The following EIF3G variants were observed in gnomAD, a reference collection of about 807,000 sequenced individuals.
EIF3G encodes the protein eukaryotic translation initiation factor 3 RNA-binding subunit.
A neutral mutation model predicts 41.7 loss-of-function variants in EIF3G; 10 were observed. The observed-to-expected ratio is 0.24, with a 90% CI of 0.15 to 0.41. The LOEUF (loss-of-function observed/expected upper bound fraction) is 0.41. EIF3G is among the 10% of genes least tolerant of loss of function. The probability of loss-of-function intolerance (pLI) is 1.00; values close to 1 mark genes in which losing one functional copy is unlikely to be tolerated. For synonymous variants in EIF3G, 204 were observed against 172.5 expected (o/e 1.18, Z -1.43); for missense variants, 297 against 444.0 (o/e 0.67, Z 2.98).
chr19:10,118,422 T>TG (rs34849604), intron 5 of EIF3G: 293,521 of 492,174 alleles, frequency 0.6, 88,901 homozygotes, highest in East Asian at 0.72. Context: ...AAAAATTAGC[T>TG]GGCGTGGTGG....
Position 10,116,393 on chromosome 19 carries a change from G to A in EIF3G, c.596-319C>T, listed in dbSNP as rs2089250708. On this transcript the variant is annotated intron_variant, in intron 7 of 10. Transcript: ENST00000253108. The surrounding 1 kb of genome is among the most constrained non-coding windows in gnomAD (Gnocchi z 4.1). ...GACACACAACAGGAACAGCGCCCAGGTCCCCCTCGCGTGGCAGGCGACAAG... is the reference window on the plus strand; with the variant it reads ...GACACACAACAGGAACAGCGCCCAGATCCCCCTCGCGTGGCAGGCGACAAG... The A allele has an allele frequency of 2.0e-6, 1 of 510,782 alleles. No homozygotes were observed. The highest frequency in any genetic ancestry group is 2.4e-5 in the South Asian group (1 of 42,182). 31.6% of individuals were successfully genotyped at this position (510,782 alleles called of 1,614,324 possible). A position where few individuals can be genotyped will look rare whatever the true frequency, so the allele number is the denominator to read the frequency against.
intron 2 of EIF3G, 188 bp from the exon 3 acceptor site, chr19:10,119,359 T>A: frequency 3.8e-6 from 3 of 789,436 alleles, no homozygotes; most frequent in Non-Finnish European, 6.5e-6. Context: ...GGGAGATCCC[T>A]CGTAGGAAGG....
rs778674406 is a variant in EIF3G, at chr19:10,116,064, C to T, written c.606G>A (p.Pro202=). 6 of 1,613,812 alleles carry T rather than the reference C, an allele frequency of 3.7e-6. No individual in the cohort carries two copies. In the African/African-American group the frequency reaches 5.3e-5, roughly 14 times the overall value. The change falls in exon 8 of 11, where the codon CCG becomes CCA. Residue 202 remains proline (P), a synonymous_variant. Transcript: ENST00000253108. The surrounding 1 kb of genome is among the most constrained non-coding windows in gnomAD (Gnocchi z 4.1). ...EKEKLPGELE[P]VQATQNKTGK... ...CTGTCTTGTTCTGCGTGGCCTGCACCGGCTCTAGCTCTGGGGACCAAAAGA... is the reference window on the plus strand; with the variant it reads ...CTGTCTTGTTCTGCGTGGCCTGCACTGGCTCTAGCTCTGGGGACCAAAAGA...
intron 8 of EIF3G, 30 bp from the exon 9 acceptor site, chr19:10,115,850 G>A (rs776820864): frequency 2.2e-5 from 36 of 1,607,982 alleles, no homozygotes; most frequent in East Asian, 1.8e-4. Context: ...TGGCTGTGAG[G>A]GGGAGGACAC....
rs1325633491 is a variant in EIF3G, at chr19:10,116,202, G to A, written c.596-128C>T. On this transcript the variant is annotated intron_variant, in intron 7 of 10. Transcript: ENST00000253108. This position sits in a 1 kb window ranked among gnomAD's most constrained non-coding sequence, Gnocchi z 4.1. ...CTGTGTGCCAAACCACAGGCAGCCA[G>A]TTGGCCACGAGGACACCAAGGTGAC... The A allele has an allele frequency of 4.4e-6, 4 of 909,116 alleles. No homozygotes were observed. In the African/African-American group the frequency reaches 5.0e-5, roughly 11 times the overall value. The allele number at this position is 909,116 out of a possible 1,614,324, so 56.3% of individuals were successfully genotyped here.
chr19:10,115,074 T>C lies in EIF3G; in HGVS notation c.*40A>G, dbSNP rs763919359. On this transcript the variant is annotated 3_prime_UTR_variant, in exon 11 of 11. Transcript: ENST00000253108. ...CCGCGCTCTCGGAGGCTGTCTTCTG[T>C]CGCCAAGGGTCCCGGACCGAGTACA... is the stretch of plus-strand genomic sequence containing the variant. 13 of 1,613,342 alleles carry C rather than the reference T, an allele frequency of 8.1e-6. No homozygotes were observed. Among genetic ancestry groups the C allele is most frequent in the South Asian group, 3.3e-5 (3 of 90,850 alleles).
Position 10,115,276 on chromosome 19 carries a change from C to T in EIF3G, c.948-147G>A, listed in dbSNP as rs897262530. 5 of 1,200,302 alleles carry T rather than the reference C, an allele frequency of 4.2e-6. No homozygotes were observed. In the Admixed American group the frequency reaches 1.3e-4, roughly 30 times the overall value. 74.4% of individuals were successfully genotyped at this position (1,200,302 alleles called of 1,614,324 possible). On this transcript the variant is annotated intron_variant, in intron 10 of 10. Transcript: ENST00000253108. The stretch of plus-strand genomic sequence containing the variant: ...CGGAGCCAGATGGCCAGTCTCCAGG[C>T]CTGGTCCACGGACTGGCAGGGACCC...
rs1276879202 is a variant in EIF3G, at chr19:10,116,273, T to A, written c.596-199A>T. On this transcript the variant is annotated intron_variant, in intron 7 of 10. Transcript: ENST00000253108. This position sits in a 1 kb window ranked among gnomAD's most constrained non-coding sequence, Gnocchi z 4.1. ...TTGAGCTCCCAGCCAGCGACACTGG[T>A]GGAGGAGGAGGAGGAGGAGCCCCGA... The A allele has an allele frequency of 3.3e-6, 2 of 608,752 alleles. No homozygotes were observed. The highest frequency in any genetic ancestry group is 5.8e-6 in the Non-Finnish European group (2 of 345,974). The allele number at this position is 608,752 out of a possible 1,614,324, so 37.7% of individuals were successfully genotyped here.
chr19:10,119,021 C>A (rs759671379), intron 3 of EIF3G, 65 bp from the exon 4 acceptor site: 61 of 1,612,130 alleles, frequency 3.8e-5, no homozygotes, highest in Non-Finnish European at 4.9e-5. Context: ...AGCGGCAGGG[C>A]TGGAGGGAGA....
chr19:10,119,421 G>A (rs1599328360), intron 2 of EIF3G: 1 of 750,112 alleles, frequency 1.3e-6, no homozygotes, highest in Non-Finnish European at 2.3e-6. Flanking sequence ...ACAGGAGACG[G>A]GAGATTACAA....
At chr19:10,119,267 G>A in intron 2 of EIF3G, 96 bp from the exon 3 acceptor site, 6 of 1,368,994 alleles carry the variant, frequency 4.4e-6, no homozygotes, top group Non-Finnish European at 6.1e-6. Flanking sequence ...TACAGCAAAA[G>A]CGGAGAAAGG....
chr19:10,117,038 T>G (rs1452216118), intron 6 of EIF3G, 46 bp downstream of exon 6: 2 of 1,604,430 alleles, frequency 1.2e-6, no homozygotes, highest in South Asian at 1.1e-5. Flanking sequence ...AGGCACCCCC[T>G]TTGCCCCACC....
At position 10,115,021 on chromosome 19, in the gene EIF3G, A is replaced by G; in HGVS notation, c.*93T>C. On this transcript the variant is annotated 3_prime_UTR_variant, in exon 11 of 11. Transcript: ENST00000253108. ...AGAACAAAAAGAACCAAGTAGAGAGAGTGGAGCTGCTTTATTGCCCTTGGA... is the reference window on the plus strand; with the variant it reads ...AGAACAAAAAGAACCAAGTAGAGAGGGTGGAGCTGCTTTATTGCCCTTGGA... The G allele has an allele frequency of 6.4e-7, 1 of 1,568,680 alleles. No homozygotes were observed. Among genetic ancestry groups the G allele is most frequent in the Non-Finnish European group, 8.7e-7 (1 of 1,146,968 alleles).
chr19:10,117,473 T>G, intron 5 of EIF3G: 1 of 381,106 alleles, frequency 2.6e-6, no homozygotes, highest in Non-Finnish European at 4.7e-6. Context: ...CAGGGCGCAA[T>G]ACTCAGGGAT....
intron 5 of EIF3G, 49 bp from the exon 6 acceptor site, chr19:10,117,237 GT>G (rs1568495747): frequency 6.9e-7 from 1 of 1,447,738 alleles, no homozygotes; most frequent in East Asian, 2.3e-5. Context: ...GGCAGGCTGG[GT>G]TCCACAGTGG....
rs1257922598 is a variant in EIF3G at position 10,116,561 on chromosome 19, A to G, written c.595+239T>C. ...GGTCAGCACCCTGGGGCCGACAGAC[A>G]GCAGCTCATCAGGACAGTCACAGGG... On this transcript the variant is annotated intron_variant, in intron 7 of 10. Coordinates refer to ENST00000253108, the MANE Select transcript of EIF3G (RefSeq NM_003755.5). The surrounding 1 kb of genome is among the most constrained non-coding windows in gnomAD (Gnocchi z 4.1). 3.8e-6 allele frequency: 2 copies of G among 532,926 alleles called. No homozygotes were observed. The highest frequency in any genetic ancestry group is 3.8e-5 in the African/African-American group (2 of 52,970). The allele number at this position is 532,926 out of a possible 1,614,324, so 33.0% of individuals were successfully genotyped here.
Position 10,115,984 on chromosome 19 carries a change from A to C in EIF3G, c.686T>G (p.Met229Arg). 1 of 1,613,498 alleles carries C rather than the reference A, an allele frequency of 6.2e-7. No homozygotes were observed. The highest frequency in any genetic ancestry group is 8.5e-7 in the Non-Finnish European group (1 of 1,179,780). Reference protein sequence around the residue: ...RDGASRRGESMQPNRRADDNA... With the variant: ...RDGASRRGESRQPNRRADDNA... The stretch of plus-strand genomic sequence containing the variant: ...CCCCTCACCTCTGCGGTTGGGCTGC[A>C]TGGACTCCCCGCGGCGGCTGGCCCC... The change falls in exon 8 of 11, where the codon ATG becomes AGG. Residue 229 changes from methionine (M) to arginine (R), a missense_variant. This residue lies in a region of EIF3G where 91 missense variants were observed against 170.5 expected (regional missense o/e 0.53). Coordinates refer to ENST00000253108, the MANE Select transcript of EIF3G (RefSeq NM_003755.5).
chr19:10,118,120 TATA>T (rs2089274979), intron 5 of EIF3G: 1 of 152,714 alleles, frequency 6.5e-6, no homozygotes, highest in Middle Eastern at 3.2e-3. Context: ...TATTTATTAA[TATA>T]ATTTGATATC....
chr19:10,118,551 C>T, intron 5 of EIF3G, 117 bp downstream of exon 5: 1 of 1,159,996 alleles, frequency 8.6e-7, no homozygotes, highest in Non-Finnish European at 1.2e-6. Context: ...GGGGACAGAG[C>T]AACACTCTGT....
Sources: allele counts gnomAD v4.1 joint callset, GRCh38; gene constraint gnomAD v4.1.1; regional missense constraint gnomAD v4.1.1; non-coding constraint Gnocchi (gnomAD v3.1); transcripts MANE v1.5; gene names NCBI Gene and HGNC (gene_info 2026-07-23, HGNC 2026-07-21).